Variants in CUX1 observed in about 807,000 individuals in gnomAD.
CUX1 encodes cut like homeobox 1, also known as protein CASP.
CUX1 carries 31 observed loss-of-function variants against 158.8 expected under a neutral mutation model. The observed-to-expected ratio is 0.20, with a 90% CI of 0.15 to 0.26. CUX1 has a LOEUF of 0.26. Ranked by LOEUF, CUX1 falls within the 10% of genes least tolerant of loss-of-function variation. CUX1 has a pLI of 1.00. For missense variants in CUX1, 1,589 were observed against 2,014.6 expected (o/e 0.79, Z 4.04); for synonymous variants, 879 against 862.1 (o/e 1.02, Z -0.34).
At chr7:102,277,613 A>C (rs933482174) in intron 17 of CUX1, among the ~76,000 whole-genome samples, 3 of 151,900 alleles carry the variant, frequency 2.0e-5, no homozygotes, top group Non-Finnish European at 4.4e-5. Flanking sequence ...AAAAATAATA[A>C]AAATAAAAAT....
At chr7:101,985,793 C>T (rs1354389310) in intron 2 of CUX1, among the ~76,000 whole-genome samples, 4 of 152,166 alleles carry the variant, frequency 2.6e-5, no homozygotes, top group African/African-American at 7.2e-5. Context: ...AATGGTGTAA[C>T]GAAAATTACA....
Position 101,821,483 on chromosome 7 carries a change from C to T in CUX1, c.30+3814C>T, listed in dbSNP as rs563930242. ...CCTCCCGAGTAGCTGGGACTACAGG[C>T]GCTGGCCACCAGGCCTGGCTAATTT... On this transcript the variant is annotated intron_variant, in intron 1 of 23. Transcript: ENST00000292535. 7.9e-4 allele frequency among the ~76,000 whole-genome samples: 119 copies of T among 151,424 alleles called. 1 individual carries two copies. Among genetic ancestry groups the T allele is most frequent in the East Asian group, 5.1e-3 (26 of 5,110 alleles).
intron 20 of CUX1, 134 bp from the exon 21 acceptor site, chr7:102,227,232 TA>T: frequency 1.3e-6 from 1 of 760,026 alleles, no homozygotes; most frequent in Non-Finnish European, 2.2e-6. Flanking sequence ...AACAGTTCAC[TA>T]AGACCCACAG....
intron 1 of CUX1, among the ~76,000 whole-genome samples, chr7:101,855,912 T>C (rs1796749917): frequency 7.2e-6 from 1 of 138,186 alleles, no homozygotes; most frequent in Non-Finnish European, 1.5e-5. Flanking sequence ...TAAGTGCTGG[T>C]TTAGCGCCTG....
chr7:102,016,502 T>C (rs1162163426), intron 2 of CUX1, among the ~76,000 whole-genome samples: 1 of 152,226 alleles, frequency 6.6e-6, no homozygotes, highest in Admixed American at 6.5e-5. Flanking sequence ...AAGTCTTTGC[T>C]GTTCTTCAAA....
intron 2 of CUX1, among the ~76,000 whole-genome samples, chr7:101,973,587 C>G (rs537358750): frequency 6.6e-6 from 1 of 152,040 alleles, no homozygotes; most frequent in South Asian, 2.1e-4. Context: ...TGAATGCACC[C>G]GTGTCCCCTG....
chr7:101,956,502 G>A (rs899913755), intron 2 of CUX1, among the ~76,000 whole-genome samples: 39 of 152,264 alleles, frequency 2.6e-4, no homozygotes, highest in Non-Finnish European at 4.9e-4. Flanking sequence ...TGGAGTCAAC[G>A]TTTCCTTCAG....
chr7:102,247,653 A>C (rs1199092345), intron 23 of CUX1, among the ~76,000 whole-genome samples: 1 of 152,058 alleles, frequency 6.6e-6, no homozygotes, highest in East Asian at 1.9e-4. Flanking sequence ...GCAAGACTCC[A>C]TCTCTTTAAA....
At position 102,197,277 on chromosome 7, in the gene CUX1, C is replaced by A; in HGVS notation, c.1866C>A (p.Ala622=). 2 of 1,613,762 alleles carry A rather than the reference C, an allele frequency of 1.2e-6. No individual in the cohort carries two copies. The highest frequency in any genetic ancestry group is 1.7e-6 in the Non-Finnish European group (2 of 1,179,728). The change falls in exon 15 of 24, where the codon GCC becomes GCA. Residue 622 remains alanine (A), a synonymous_variant. Coordinates refer to ENST00000292535, the MANE Select transcript of CUX1 (RefSeq NM_181552.4). ...QFLSDEQNIL[A]LRSIQGRQRE... The stretch of plus-strand genomic sequence containing the variant: ...TCTCCGATGAGCAGAACATCCTGGC[C>A]CTCCGTAGCATCCAAGGCAGACAAA...
At chr7:102,007,635 T>C (rs892686893) in intron 2 of CUX1, among the ~76,000 whole-genome samples, 7 of 151,486 alleles carry the variant, frequency 4.6e-5, no homozygotes, top group African/African-American at 1.7e-4. Context: ...CTCTCTCCTG[T>C]TCCCGTCAGT....
intron 8 of CUX1, among the ~76,000 whole-genome samples, chr7:102,121,772 G>A (rs1256969969): frequency 1.3e-5 from 2 of 152,140 alleles, no homozygotes; most frequent in African/African-American, 4.8e-5. Context: ...GCAGTCCCAG[G>A]AACACGCAGA....
rs146939458 is a variant in CUX1, at chr7:102,079,690, C to T, written c.268+9273C>T. On this transcript the variant is annotated intron_variant, in intron 4 of 23. Transcript: ENST00000292535. ...CAGTAGCAGGAGACATGCGGGATCCCTTTACAAATCCTCAGTTTGCCTTCA... is the reference window on the plus strand; with the variant it reads ...CAGTAGCAGGAGACATGCGGGATCCTTTTACAAATCCTCAGTTTGCCTTCA... Among the ~76,000 whole-genome samples the T allele has an allele frequency of 4.5e-3, 692 of 152,250 alleles. 4 individuals carry two copies. Among genetic ancestry groups the T allele is most frequent in the Middle Eastern group, 0.01 (3 of 294 alleles).
At chr7:102,107,022 G>C (rs1563252273) in intron 6 of CUX1, among the ~76,000 whole-genome samples, 1 of 151,948 alleles carries the variant, frequency 6.6e-6, no homozygotes, top group Admixed American at 6.6e-5. Flanking sequence ...GAACTCAGGA[G>C]TTCGAGACCA....
chr7:101,996,239 A>T (rs1316425303), intron 2 of CUX1, among the ~76,000 whole-genome samples: 1 of 152,162 alleles, frequency 6.6e-6, no homozygotes, highest in African/African-American at 2.4e-5. Context: ...TGAGGATGGC[A>T]GGAGAGTGGC....
At position 102,183,880 on chromosome 7, in the gene CUX1, A is replaced by C. The variant is rs531643159; in HGVS notation, c.1017+5223A>C. On this transcript the variant is annotated intron_variant, in intron 11 of 23. Transcript: ENST00000292535. ...TGACCTTTCCCTGGGTCTCTGCCTTAGTCAGACCTGCCAGAGGCCCCTTTG... is the reference window on the plus strand; with the variant it reads ...TGACCTTTCCCTGGGTCTCTGCCTTCGTCAGACCTGCCAGAGGCCCCTTTG... 2.6e-5 allele frequency among the ~76,000 whole-genome samples: 4 copies of C among 151,558 alleles called. No individual in the cohort carries two copies. In the South Asian group the frequency reaches 6.2e-4, roughly 24 times the overall value.
intron 1 of CUX1, among the ~76,000 whole-genome samples, chr7:101,867,839 G>GGGT (rs1798089214): frequency 6.6e-6 from 1 of 151,668 alleles, no homozygotes. Context: ...TTCTGAGACA[G>GGGT]GGTCTTGCTG....
chr7:102,202,754 G>A (rs774578575), intron 18 of CUX1, among the ~76,000 whole-genome samples: 4 of 152,322 alleles, frequency 2.6e-5, no homozygotes, highest in Non-Finnish European at 5.9e-5. Context: ...GAGAGGTCAA[G>A]CAACCTGCCC....
chr7:101,995,021 C>T (rs1018278394), intron 2 of CUX1, among the ~76,000 whole-genome samples: 7 of 151,970 alleles, frequency 4.6e-5, no homozygotes, highest in East Asian at 1.9e-4. Flanking sequence ...CATTTGATCC[C>T]GGGAAGTGAA....
chr7:102,065,302 A>C (rs1396176685), intron 3 of CUX1, among the ~76,000 whole-genome samples: 2 of 152,164 alleles, frequency 1.3e-5, no homozygotes, highest in African/African-American at 4.8e-5. Flanking sequence ...CTGGTCTTGA[A>C]TTCCTAGGCT....
Sources: gnomAD v4.1 joint callset for allele counts (sites outside exome capture counted in the v4.1 genomes callset) on GRCh38, gnomAD v4.1.1 for gene constraint, MANE v1.5 for transcripts, NCBI Gene and HGNC (gene_info 2026-07-23, HGNC 2026-07-21) for gene names.